Variants in DPYD observed in about 807,000 individuals in gnomAD.
DPYD encodes the protein dihydropyrimidine dehydrogenase [NADP(+)].
In DPYD, 109 loss-of-function variants were observed where a neutral mutation model predicts 116.2. The ratio of observed to expected loss-of-function variants is 0.94; its 90% confidence interval spans 0.80 to 1.10. The LOEUF is 1.10. Among genes scored for constraint, DPYD ranks in the 50% least tolerant of loss-of-function variants. The pLI, the probability that DPYD is intolerant of heterozygous loss-of-function variation, is 0.00. For synonymous variants in DPYD, 440 were observed against 432.0 expected (o/e 1.02, Z -0.23); for missense variants, 1,302 against 1,254.5 (o/e 1.04, Z -0.57).
intron 3 of DPYD, among the ~76,000 whole-genome samples, chr1:97,807,849 T>A (rs1051616872): frequency 6.6e-6 from 1 of 152,094 alleles, no homozygotes; most frequent in South Asian, 2.1e-4. Flanking sequence ...GTCTAGATTT[T>A]TTTTTAGCAT....
intron 14 of DPYD, among the ~76,000 whole-genome samples, chr1:97,435,520 C>T (rs1465452941): frequency 6.6e-6 from 1 of 151,862 alleles, no homozygotes; most frequent in Non-Finnish European, 1.5e-5. Flanking sequence ...CTCTCATGAA[C>T]AGTCTCTTTT....
rs111809558 is a variant in DPYD at position 97,637,043 on chromosome 1, G to A, written c.851-41877C>T. Among the ~76,000 whole-genome samples, 644 of 152,186 alleles carry A rather than the reference G, an allele frequency of 4.2e-3. 3 individuals carry two copies. The highest frequency in any genetic ancestry group is 0.015 in the African/African-American group (623 of 41,536). On this transcript the variant is annotated intron_variant, in intron 8 of 22. Transcript: ENST00000370192. The stretch of plus-strand genomic sequence containing the variant: ...ACCAATGCAGAAAAAAACATTGTTG[G>A]AGCTTTCCCAATTTGACTAAAAGCA...
chr1:97,505,368 T>C (rs776517522), intron 13 of DPYD, among the ~76,000 whole-genome samples: 8 of 151,950 alleles, frequency 5.3e-5, no homozygotes, highest in Non-Finnish European at 2.9e-5. Flanking sequence ...ATCTTACATA[T>C]GCTCGGTTCT....
intron 18 of DPYD, among the ~76,000 whole-genome samples, chr1:97,262,855 C>T (rs1029446089): frequency 6.6e-6 from 1 of 151,996 alleles, no homozygotes; most frequent in African/African-American, 2.4e-5. Context: ...CCACTGTGAA[C>T]ATGATAAGGG....
At chr1:97,677,691 A>T (rs1660218445) in intron 8 of DPYD, among the ~76,000 whole-genome samples, 1 of 152,178 alleles carries the variant, frequency 6.6e-6, no homozygotes, top group Admixed American at 6.5e-5. Flanking sequence ...AAATTTTCTG[A>T]AAGGAAGGAG....
chr1:97,791,792 T>G (rs944223455), intron 3 of DPYD, among the ~76,000 whole-genome samples: 1 of 152,234 alleles, frequency 6.6e-6, no homozygotes, highest in African/African-American at 2.4e-5. Flanking sequence ...TCACTAAAAT[T>G]TGTGCACTCA....
intron 8 of DPYD, among the ~76,000 whole-genome samples, chr1:97,638,491 T>C (rs147994032): frequency 1.3e-5 from 2 of 152,302 alleles, no homozygotes; most frequent in East Asian, 1.9e-4. Context: ...TAAGCCATTA[T>C]GAAAATTCAA....
chr1:97,675,503 G>T (rs1298775699), intron 8 of DPYD, among the ~76,000 whole-genome samples: 1 of 152,074 alleles, frequency 6.6e-6, no homozygotes, highest in East Asian at 1.9e-4. Flanking sequence ...CTTGGACTGT[G>T]GTAGTATTAG....
At position 97,755,296 on chromosome 1, in the gene DPYD, C is replaced by A. The variant is rs568689281; in HGVS notation, c.234-14817G>T. Among the ~76,000 whole-genome samples the A allele has an allele frequency of 2.0e-5, 3 of 152,270 alleles. No individual in the cohort carries two copies. In the South Asian group the frequency reaches 6.2e-4, roughly 32 times the overall value. The stretch of plus-strand genomic sequence containing the variant: ...TGACCCTGGGGTATAAAATCCAGGG[C>A]AGGCTGCTTCCCTGAATCCCCCAGC... On this transcript the variant is annotated intron_variant, in intron 3 of 22. Coordinates refer to ENST00000370192, the MANE Select transcript of DPYD (RefSeq NM_000110.4).
At chr1:97,228,872 G>C (rs368720410) in intron 19 of DPYD, among the ~76,000 whole-genome samples, 1 of 152,170 alleles carries the variant, frequency 6.6e-6, no homozygotes, top group East Asian at 1.9e-4. Flanking sequence ...GCTTTGAGCT[G>C]TATGAAAAAG....
At chr1:97,191,447 CT>C (rs938854127) in intron 20 of DPYD, among the ~76,000 whole-genome samples, 13 of 151,952 alleles carry the variant, frequency 8.6e-5, no homozygotes, top group Admixed American at 1.3e-4. Flanking sequence ...AAAAATCTTC[CT>C]TTTTTTAAAC....
intron 19 of DPYD, among the ~76,000 whole-genome samples, chr1:97,231,729 A>G (rs1661600084): frequency 6.6e-6 from 1 of 152,188 alleles, no homozygotes. Context: ...GTCAATAAAA[A>G]AAAATATTTA....
chr1:97,238,179 A>C (rs1450252203), intron 18 of DPYD, among the ~76,000 whole-genome samples: 2 of 152,182 alleles, frequency 1.3e-5, no homozygotes, highest in Non-Finnish European at 2.9e-5. Context: ...AATGTACCTA[A>C]TGAACAGAAA....
chr1:97,215,790 C>T (rs532835797), intron 19 of DPYD, among the ~76,000 whole-genome samples: 20 of 152,260 alleles, frequency 1.3e-4, no homozygotes, highest in African/African-American at 4.8e-4. Context: ...AAAATATAAA[C>T]GTTCCCATTT....
chr1:97,253,826 T>A (rs1186947358), intron 18 of DPYD, among the ~76,000 whole-genome samples: 3 of 152,166 alleles, frequency 2.0e-5, no homozygotes, highest in Non-Finnish European at 4.4e-5. Context: ...ACACTTGGAT[T>A]CTTCTTGCTC....
At chr1:97,695,012 G>T (rs1225526603) in intron 6 of DPYD, among the ~76,000 whole-genome samples, 1 of 152,166 alleles carries the variant, frequency 6.6e-6, no homozygotes, top group Non-Finnish European at 1.5e-5. Context: ...CAGTTAAATA[G>T]AGGCCATCAG....
intron 1 of DPYD, among the ~76,000 whole-genome samples, chr1:97,888,758 C>T (rs968583216): frequency 1.3e-5 from 2 of 151,894 alleles, no homozygotes; most frequent in African/African-American, 4.8e-5. Flanking sequence ...AAAATGTGAA[C>T]CATGACTCCT....
chr1:97,362,337 G>T (rs934160540), intron 16 of DPYD, among the ~76,000 whole-genome samples: 1 of 152,056 alleles, frequency 6.6e-6, no homozygotes, highest in African/African-American at 2.4e-5. Context: ...TCCATGCTCA[G>T]GGATAGGAAG....
chr1:97,555,811 C>T (rs1206451368), intron 11 of DPYD, among the ~76,000 whole-genome samples: 1 of 152,196 alleles, frequency 6.6e-6, no homozygotes, highest in Non-Finnish European at 1.5e-5. Flanking sequence ...ATCCTCTCCT[C>T]TGACCTGGTA....
Sources: allele counts gnomAD v4.1 joint callset (sites outside exome capture counted in the v4.1 genomes callset), GRCh38; gene constraint gnomAD v4.1.1; transcripts MANE v1.5; gene names NCBI Gene and HGNC (gene_info 2026-07-23, HGNC 2026-07-21).